HELZ: variants seen among roughly 807,000 people sequenced by gnomAD.
The protein encoded by HELZ is ATP-dependent RNA helicase with zinc finger domain.
Under a neutral mutation model 218.2 loss-of-function variants are expected in HELZ, and 23 were observed. The observed-to-expected ratio is 0.11, with a 90% confidence interval of 0.08 to 0.15. The LOEUF is 0.15. Among genes scored for constraint, HELZ ranks in the 10% least tolerant of loss-of-function variants. The probability of loss-of-function intolerance (pLI) is 1.00; values close to 1 mark genes in which losing one functional copy is unlikely to be tolerated. For synonymous variants in HELZ, 814 were observed against 829.4 expected, an observed-to-expected ratio of 0.98 and a Z score of 0.32; for missense variants, 1,813 against 2,353.7, an observed-to-expected ratio of 0.77 and a Z score of 4.75.
chr17:67,144,414 G>A (rs950114392), intron 21 of HELZ, among the ~76,000 whole-genome samples: 2 of 147,974 alleles, frequency 1.4e-5, no homozygotes, highest in African/African-American at 2.5e-5. Flanking sequence ...AAAGTTACAT[G>A]TTTAATATTT....
At chr17:67,239,277 C>T (rs1261850127) in intron 3 of HELZ, among the ~76,000 whole-genome samples, 156 bp downstream of exon 3, 1 of 152,250 alleles carries the variant, frequency 6.6e-6, no homozygotes, top group Non-Finnish European at 1.5e-5. Flanking sequence ...GTTCATCATT[C>T]AGTCTGTTCC....
intron 5 of HELZ, among the ~76,000 whole-genome samples, chr17:67,212,270 G>A (rs1378225688): frequency 1.7e-5 from 2 of 117,410 alleles, no homozygotes; most frequent in African/African-American, 3.3e-5. Flanking sequence ...AGCCGAGATC[G>A]CACCACTGCA....
rs911752701 is a variant in HELZ at position 67,116,431 on chromosome 17, TAAAC to T, written c.3839-2032_3839-2029del. ...AGAGCCACCTATATGTTATCTAAAATAAACAAACTTTAAATATAAAGACACAAAT... is the reference window on the plus strand; with the variant it reads ...AGAGCCACCTATATGTTATCTAAAATAAACTTTAAATATAAAGACACAAAT... On this transcript the variant is annotated intron_variant, in intron 27 of 32. Coordinates refer to ENST00000358691, the MANE Select transcript of HELZ (RefSeq NM_014877.4). Among the ~76,000 whole-genome samples, 6 of 150,782 alleles carry T rather than the reference TAAAC, an allele frequency of 4.0e-5. No individual in the cohort carries two copies. In the East Asian group the frequency reaches 5.9e-4, roughly 15 times the overall value.
intron 31 of HELZ, among the ~76,000 whole-genome samples, chr17:67,090,084 T>C (rs2036534670): frequency 6.6e-6 from 1 of 152,136 alleles, no homozygotes; most frequent in African/African-American, 2.4e-5. Context: ...GAAGTTCCTT[T>C]CCATTTCTAG....
intron 31 of HELZ, among the ~76,000 whole-genome samples, chr17:67,100,162 A>G (rs1010601766): frequency 1.3e-5 from 2 of 152,226 alleles, no homozygotes; most frequent in Non-Finnish European, 2.9e-5. Flanking sequence ...CCTCTAAAAA[A>G]GAGAAATTGG....
intron 32 of HELZ, among the ~76,000 whole-genome samples, chr17:67,078,912 T>A (rs2036099717): frequency 6.6e-6 from 1 of 152,270 alleles, no homozygotes; most frequent in South Asian, 2.1e-4. Flanking sequence ...CTGCTCATAG[T>A]TTGTAAACAG....
intron 24 of HELZ, among the ~76,000 whole-genome samples, chr17:67,126,195 G>T (rs149303600): frequency 3.9e-5 from 6 of 152,298 alleles, no homozygotes; most frequent in African/African-American, 1.4e-4. Flanking sequence ...TAATTGCCAG[G>T]TAATCCATTT....
At chr17:67,138,446 G>A (rs1041607344) in intron 21 of HELZ, among the ~76,000 whole-genome samples, 17 of 152,144 alleles carry the variant, frequency 1.1e-4, no homozygotes, top group African/African-American at 4.1e-4. Context: ...CATGATTCTA[G>A]GGAAGGCAAG....
chr17:67,111,788 G>GCCTA (rs397778611), intron 28 of HELZ, among the ~76,000 whole-genome samples: 2 of 151,902 alleles, frequency 1.3e-5, no homozygotes, highest in African/African-American at 4.8e-5. Context: ...CTCAGAACCT[G>GCCTA]ATTAAGGTTC....
intron 24 of HELZ, among the ~76,000 whole-genome samples, chr17:67,126,788 G>C (rs1165708086): frequency 6.6e-6 from 1 of 152,160 alleles, no homozygotes; most frequent in Non-Finnish European, 1.5e-5. Context: ...CTAAACCCGG[G>C]AGGCGGAGGC....
rs777293020 is a variant in HELZ at position 67,128,674 on chromosome 17, T to G, written c.3364A>C (p.Lys1122Gln). 1 of 1,614,194 alleles carries G rather than the reference T, an allele frequency of 6.2e-7. No homozygotes were observed. Among genetic ancestry groups the G allele is most frequent in the Admixed American group, 1.7e-5 (1 of 60,024 alleles). Residue 1122 changes from lysine to glutamine, a missense_variant, in exon 24 of 33, where the codon AAA (lysine) becomes CAA (glutamine). Lys to Gln is a moderately conservative substitution (Grantham distance 53). Transcript: ENST00000358691. The part of the protein sequence containing the change: ...LRLQHSGSTN[K>Q]QQQSPPKGKS... ...ACCTTGGGTGGTGATTGCTGCTGTT[T>G]GTTGGTACTTCCTGAATGCTGCAGT...
chr17:67,095,002 T>C (rs553472447), intron 31 of HELZ, among the ~76,000 whole-genome samples: 1 of 152,344 alleles, frequency 6.6e-6, no homozygotes, highest in East Asian at 1.9e-4. Context: ...ATCAGTTGAC[T>C]CTTCTTTTCA....
At chr17:67,179,172 T>C (rs2039539507) in intron 12 of HELZ, among the ~76,000 whole-genome samples, 1 of 152,042 alleles carries the variant, frequency 6.6e-6, no homozygotes, top group Non-Finnish European at 1.5e-5. Context: ...GGCTAGGACA[T>C]ACTAGAAATT....
chr17:67,123,815 C>CTGTGTGTGTGTGTG lies in HELZ; in HGVS notation c.3439+134_3439+147dup, dbSNP rs58616216. The stretch of plus-strand genomic sequence containing the variant: ...AAAAAATTGAGAGGTTCCAAAGTGA[C>CTGTGTGTGTGTGTG]TGTGTGTGTGTGTGTGTGTGTGTGT... On this transcript the variant is annotated intron_variant, in intron 25 of 32. Transcript: ENST00000358691. The CTGTGTGTGTGTGTG allele has an allele frequency of 2.8e-3, 1,506 of 534,974 alleles. 10 individuals carry two copies. Among genetic ancestry groups the CTGTGTGTGTGTGTG allele is most frequent in the African/African-American group, 0.018 (877 of 48,208 alleles). The allele number at this position is 534,974 out of a possible 1,614,324, so 33.1% of individuals were successfully genotyped here.
chr17:67,199,210 CTTTTTTTTTT>C, intron 7 of HELZ, among the ~76,000 whole-genome samples: 1 of 122,966 alleles, frequency 8.1e-6, no homozygotes, highest in East Asian at 2.4e-4. Flanking sequence ...TTTGCCATTA[CTTTTTTTTTT>C]TTTTTTTTTT....
Position 67,213,154 on chromosome 17 carries a change from C to G in HELZ, c.247+2745G>C, listed in dbSNP as rs532870905. On this transcript the variant is annotated intron_variant, in intron 5 of 32. Coordinates refer to ENST00000358691, the MANE Select transcript of HELZ (RefSeq NM_014877.4). ...TTTGTACATCTCCAAAAAAACAAGA[C>G]TGCATCAATTTCACTAGCACTCAGG... is the stretch of plus-strand genomic sequence containing the variant. 9.2e-5 allele frequency among the ~76,000 whole-genome samples: 14 copies of G among 152,292 alleles called. No homozygotes were observed. The South Asian group carries it at 1.0e-3, about 11-fold the overall frequency.
chr17:67,160,111 A>T (rs1388488140), intron 17 of HELZ, 150 bp downstream of exon 17: 2 of 578,822 alleles, frequency 3.5e-6, no homozygotes, highest in Non-Finnish European at 6.1e-6. Context: ...ATTTTTCCTT[A>T]ATTTAAACAG....
At chr17:67,238,476 G>A (rs776154069) in intron 3 of HELZ, among the ~76,000 whole-genome samples, 5 of 152,060 alleles carry the variant, frequency 3.3e-5, no homozygotes, top group Admixed American at 2.0e-4. Context: ...GAGGTCAGGG[G>A]TTTGAGGCCA....
rs528968479 is a variant in HELZ, at chr17:67,174,635, C to T, written c.1430+4024G>A. Among the ~76,000 whole-genome samples the T allele has an allele frequency of 2.0e-5, 3 of 152,086 alleles. No individual in the cohort carries two copies. The South Asian group carries it at 6.2e-4, about 32-fold the overall frequency. On this transcript the variant is annotated intron_variant, in intron 13 of 32. Transcript: ENST00000358691. The stretch of plus-strand genomic sequence containing the variant: ...CCAACATGGTGAAACCCCATCTCTA[C>T]CAAAAATACAAAATTAGCTGGGCAT...
Sources: gnomAD v4.1 joint callset for allele counts (sites outside exome capture counted in the v4.1 genomes callset) on GRCh38, gnomAD v4.1.1 for gene constraint, MANE v1.5 for transcripts, NCBI Gene and HGNC (gene_info 2026-07-23, HGNC 2026-07-21) for gene names.